Variants in CPSF2 observed in about 807,000 individuals in gnomAD.
CPSF2 encodes the protein cleavage and polyadenylation specificity factor subunit 2.
Under a neutral mutation model 84.2 loss-of-function variants are expected in CPSF2, and 51 were observed. The ratio of observed to expected loss-of-function variants is 0.61; its 90% CI spans 0.48 to 0.77. The LOEUF (loss-of-function observed/expected upper bound fraction) is 0.77. CPSF2 is among the 30% of genes least tolerant of loss of function. The pLI is 0.00. For missense variants in CPSF2, 641 were observed against 929.4 expected, an observed-to-expected ratio of 0.69 and a Z score of 4.03; for synonymous variants, 286 against 311.9, an observed-to-expected ratio of 0.92 and a Z score of 0.87.
At position 92,122,053 on chromosome 14, in the gene CPSF2, C is replaced by A. The variant is rs921310203; in HGVS notation, c.-169C>A. 5.4e-6 allele frequency: 3 copies of A among 556,500 alleles called. No individual in the cohort carries two copies. Among genetic ancestry groups the A allele is most frequent in the Non-Finnish European group, 6.4e-6 (2 of 312,422 alleles). 34.5% of individuals were successfully genotyped at this position (556,500 alleles called of 1,614,324 possible). Reference sequence around the variant, plus strand: ...CCTGGCGCTGCTGACCCAGCATCGGCTTTTCTACGTCTTGAACCTGGATTC... The same window carrying A: ...CCTGGCGCTGCTGACCCAGCATCGGATTTTCTACGTCTTGAACCTGGATTC... On this transcript the variant is annotated 5_prime_UTR_variant, in exon 1 of 16. Coordinates refer to ENST00000298875, the MANE Select transcript of CPSF2 (RefSeq NM_017437.3).
rs374553822 is a variant in CPSF2 at position 92,137,540 on chromosome 14, G to T, written c.546-692G>T. ...ATTTTTAAATGGTGATTTTCTTCTGGGAAGTATGTAGAATTGGTCAGTCTT... is the reference window on the plus strand; with the variant it reads ...ATTTTTAAATGGTGATTTTCTTCTGTGAAGTATGTAGAATTGGTCAGTCTT... On this transcript the variant is annotated intron_variant, in intron 6 of 15. Transcript: ENST00000298875. 1.4e-4 allele frequency among the ~76,000 whole-genome samples: 22 copies of T among 152,222 alleles called. 2 individuals are homozygous for T. The highest frequency in any genetic ancestry group is 4.8e-4 in the African/African-American group (20 of 41,532).
Position 92,134,336 on chromosome 14 carries a change from T to C in CPSF2, c.396T>C (p.Ser132=), listed in dbSNP as rs1330468660. The change falls in exon 5 of 16, where the codon TCT becomes TCC. Residue 132 remains serine, a synonymous_variant. Transcript: ENST00000298875. The stretch of plus-strand genomic sequence containing the variant: ...ATAAAATACAGCAGCTAAAATTCTC[T>C]CAGATTGTGAATTTGAAAGGTAAAA... ...AFDKIQQLKF[S]QIVNLKGKGH... is the part of the protein sequence containing the mutation. 2 of 1,610,418 alleles carry C rather than the reference T, an allele frequency of 1.2e-6. No individual in the cohort carries two copies. The highest frequency in any genetic ancestry group is 1.7e-6 in the Non-Finnish European group (2 of 1,177,806).
rs997958536 is a variant in CPSF2 at position 92,164,839 on chromosome 14, T to C, written c.*3095T>C. The stretch of plus-strand genomic sequence containing the variant: ...TGTACAATTCATTGGTGTTAGTATA[T>C]TTACAGAGTTGTACAACTATTACCA... On this transcript the variant is annotated 3_prime_UTR_variant, in exon 16 of 16. Coordinates refer to ENST00000298875, the MANE Select transcript of CPSF2 (RefSeq NM_017437.3). 6.6e-6 allele frequency: 1 copy of C among 152,146 alleles called. No individual in the cohort carries two copies. Among genetic ancestry groups the C allele is most frequent in the African/African-American group, 2.4e-5 (1 of 41,430 alleles). 9.4% of individuals were successfully genotyped at this position (152,146 alleles called of 1,614,324 possible). A position where few individuals can be genotyped will look rare whatever the true frequency, so the allele number is the denominator to read the frequency against.
At chr14:92,142,050 T>A (rs2069085430) in intron 7 of CPSF2, 114 bp from the exon 8 acceptor site, 2 of 796,834 alleles carry the variant, frequency 2.5e-6, no homozygotes, top group Non-Finnish European at 3.8e-6. Context: ...GGCCTAGTAG[T>A]TGCTTATTTG....
chr14:92,154,968 A>G (rs1208244862), intron 10 of CPSF2, among the ~76,000 whole-genome samples, 155 bp from the exon 11 acceptor site: 1 of 152,256 alleles, frequency 6.6e-6, no homozygotes, highest in East Asian at 1.9e-4. Context: ...CCTCTGTTGT[A>G]TATGTGGTCT....
chr14:92,134,011 G>T lies in CPSF2; in HGVS notation c.150G>T (p.Lys50Asn). Residue 50 changes from lysine to asparagine, a missense_variant and splice_region_variant, in exon 4 of 16, where the codon AAG becomes AAT. Around this residue, in one of 2 missense-constraint regions of CPSF2, gnomAD observed 211 missense variants for 375.7 expected, o/e 0.56. Coordinates refer to ENST00000298875, the MANE Select transcript of CPSF2 (RefSeq NM_017437.3). ...AGTCCTTTGGATTGTGTTCTTGTAG[G>T]CATGTTCACCAGATTGATGCAGTGC... ...FSMDIIDSLR[K>N]HVHQIDAVLL... 2 of 1,613,810 alleles carry T rather than the reference G, an allele frequency of 1.2e-6. No individual in the cohort carries two copies. The highest frequency in any genetic ancestry group is 1.7e-6 in the Non-Finnish European group (2 of 1,179,896).
chr14:92,142,092 G>A (rs775549950), intron 7 of CPSF2, 72 bp from the exon 8 acceptor site: 27 of 1,157,852 alleles, frequency 2.3e-5, no homozygotes, highest in Non-Finnish European at 3.0e-5. Flanking sequence ...AAAACAGGGA[G>A]ATAAAATTAT....
rs141370770 is a variant in CPSF2 at position 92,153,655 on chromosome 14, C to T, written c.1141-703C>T. 1.5e-3 allele frequency among the ~76,000 whole-genome samples: 228 copies of T among 150,216 alleles called. 2 individuals are homozygous for T. The highest frequency in any genetic ancestry group is 5.3e-3 in the African/African-American group (218 of 40,980). On this transcript the variant is annotated intron_variant, in intron 9 of 15. Transcript: ENST00000298875. ...TCCTCAGTCTCAGACTCAAGTGATA[C>T]TCAGTCTCTGAGTAGCTGGGACTAC...
At chr14:92,132,074 A>G (rs1338386508) in intron 3 of CPSF2, among the ~76,000 whole-genome samples, 4 of 152,156 alleles carry the variant, frequency 2.6e-5, no homozygotes, top group Non-Finnish European at 4.4e-5. Flanking sequence ...ACAAAAATCC[A>G]TTATAAGTAT....
chr14:92,140,911 C>T (rs1337094906), intron 7 of CPSF2, among the ~76,000 whole-genome samples: 1 of 152,010 alleles, frequency 6.6e-6, no homozygotes, highest in African/African-American at 2.4e-5. Context: ...GAGACCCTGT[C>T]TCAACAAACA....
At chr14:92,131,977 T>C (rs11851382) in intron 3 of CPSF2, among the ~76,000 whole-genome samples, 77,942 of 151,982 alleles carry the variant, frequency 0.51, 21,531 homozygotes, top group East Asian at 0.98. Flanking sequence ...TTTCTTGTGT[T>C]GATGAGAACA....
At chr14:92,151,160 G>A (rs977954657) in intron 9 of CPSF2, among the ~76,000 whole-genome samples, 2 of 152,188 alleles carry the variant, frequency 1.3e-5, no homozygotes, top group Non-Finnish European at 2.9e-5. Flanking sequence ...GGGAGGCAGA[G>A]GCAGGAGGAT....
intron 3 of CPSF2, among the ~76,000 whole-genome samples, chr14:92,131,774 G>A (rs1479828348): frequency 6.6e-6 from 1 of 151,636 alleles, no homozygotes; most frequent in Non-Finnish European, 1.5e-5. Context: ...AGGAGGCAGA[G>A]ATTGCACTGA....
chr14:92,131,547 A>G (rs2068929811), intron 3 of CPSF2, among the ~76,000 whole-genome samples: 1 of 151,396 alleles, frequency 6.6e-6, no homozygotes, highest in Admixed American at 6.6e-5. Context: ...CAAAAAAAAA[A>G]TCAATTATGG....
chr14:92,143,329 GT>G (rs1254798779), intron 9 of CPSF2, 35 bp downstream of exon 9: 10 of 1,342,326 alleles, frequency 7.4e-6, no homozygotes, highest in Non-Finnish European at 9.4e-6. Context: ...TCTTAAAACT[GT>G]TTGGGGGATA....
chr14:92,128,619 T>G (rs1286304605), intron 2 of CPSF2, among the ~76,000 whole-genome samples: 2 of 152,146 alleles, frequency 1.3e-5, no homozygotes, highest in Non-Finnish European at 2.9e-5. Flanking sequence ...GACATTTGAG[T>G]GTTTGCAAAT....
chr14:92,138,156 A>G, intron 6 of CPSF2, 76 bp from the exon 7 acceptor site: 1 of 660,932 alleles, frequency 1.5e-6, no homozygotes, highest in Non-Finnish European at 2.5e-6. Context: ...GAAGCTGCTT[A>G]TTTTTTAAGT....
chr14:92,131,437 T>C (rs893292571), intron 3 of CPSF2, among the ~76,000 whole-genome samples: 2 of 152,254 alleles, frequency 1.3e-5, no homozygotes, highest in African/African-American at 4.8e-5. Flanking sequence ...ATTTTCCATG[T>C]GAAAGTTCTG....
At chr14:92,140,044 C>T (rs1368627508) in intron 7 of CPSF2, among the ~76,000 whole-genome samples, 2 of 144,620 alleles carry the variant, frequency 1.4e-5, no homozygotes, top group African/African-American at 5.2e-5. Context: ...ACCTCTGCCT[C>T]CCGGGTTCAA....
Sources: gnomAD v4.1 joint callset for allele counts (sites outside exome capture counted in the v4.1 genomes callset) on GRCh38, gnomAD v4.1.1 for gene constraint, gnomAD v4.1.1 regional missense constraint, MANE v1.5 for transcripts, NCBI Gene and HGNC (gene_info 2026-07-23, HGNC 2026-07-21) for gene names.